TRIP12: variants seen among roughly 807,000 people sequenced by gnomAD.
TRIP12 encodes thyroid hormone receptor interactor 12.
In TRIP12, 25 loss-of-function variants were observed where a neutral mutation model predicts 244.2. The observed-to-expected ratio is 0.10, with a 90% CI of 0.07 to 0.14. TRIP12 has a LOEUF of 0.14. TRIP12 is among the 10% of genes least tolerant of loss of function. The pLI is 1.00. For synonymous variants in TRIP12, 905 were observed against 873.1 expected (o/e 1.04, Z -0.64); for missense variants, 1,677 against 2,486.4 (o/e 0.67, Z 6.92).
chr2:229,837,116 G>T, intron 5 of TRIP12, 132 bp from the exon 6 acceptor site: 1 of 957,548 alleles, frequency 1.0e-6, no homozygotes, highest in Non-Finnish European at 1.4e-6. Flanking sequence ...AAAAGTAAGT[G>T]CACAAAATCA....
intron 1 of TRIP12, among the ~76,000 whole-genome samples, chr2:229,889,145 G>A (rs1021052064): frequency 4.6e-5 from 7 of 152,204 alleles, no homozygotes; most frequent in Admixed American, 2.0e-4. Flanking sequence ...TGGATCAGAA[G>A]AGCATATCAA....
Position 229,778,866 on chromosome 2 carries a change from T to C in TRIP12, c.5209+10A>G, listed in dbSNP as rs377147961. The C allele has an allele frequency of 1.9e-5, 30 of 1,611,084 alleles. No individual in the cohort carries two copies. The highest frequency in any genetic ancestry group is 1.6e-4 in the East Asian group (7 of 44,860). On this transcript the variant is annotated intron_variant, in intron 35 of 41. Coordinates refer to ENST00000675903, the MANE Select transcript of TRIP12 (RefSeq NM_001348323.3). This position sits in a 1 kb window ranked among gnomAD's most constrained non-coding sequence, Gnocchi z 4.1. The stretch of plus-strand genomic sequence containing the variant: ...TAACACAAACCAACTAACTTACAGA[T>C]AGGCATTACCTTTTGGATTGCTAAG...
At chr2:229,840,261 G>A (rs2056058222) in intron 5 of TRIP12, among the ~76,000 whole-genome samples, 1 of 152,092 alleles carries the variant, frequency 6.6e-6, no homozygotes, top group Non-Finnish European at 1.5e-5. Flanking sequence ...AACAACAAAG[G>A]AAAAGTAGAA....
rs188303162 is a variant in TRIP12 at position 229,881,180 on chromosome 2, T to C, written c.-49-1052A>G. On this transcript the variant is annotated intron_variant, in intron 1 of 41. Coordinates refer to ENST00000675903, the MANE Select transcript of TRIP12 (RefSeq NM_001348323.3). The stretch of plus-strand genomic sequence containing the variant: ...TCAGCAACAAGAAATTGCGAAAGTA[T>C]TTTTAGCTCAAATTTAGCTCAAAAC... Among the ~76,000 whole-genome samples the C allele has an allele frequency of 3.1e-3, 478 of 152,360 alleles. 1 individual carries two copies. The highest frequency in any genetic ancestry group is 3.8e-3 in the Non-Finnish European group (260 of 68,040).
At chr2:229,906,938 A>G (rs78235074) in intron 1 of TRIP12, among the ~76,000 whole-genome samples, 4,841 of 152,160 alleles carry the variant, frequency 0.032, 261 homozygotes, top group African/African-American at 0.11. Flanking sequence ...TAAGTAGTCA[A>G]AGAGACTATA....
chr2:229,805,721 T>C lies in TRIP12; in HGVS notation c.2650+9A>G. 2.6e-6 allele frequency: 4 copies of C among 1,566,196 alleles called. No individual in the cohort carries two copies. The highest frequency in any genetic ancestry group is 3.5e-6 in the Non-Finnish European group (4 of 1,144,174). ...AGTATAGTGCTATTTTAACTCAGAA[T>C]GTACTTACTAGTGTTACTATTGGCT... On this transcript the variant is annotated intron_variant, in intron 18 of 41. Coordinates refer to ENST00000675903, the MANE Select transcript of TRIP12 (RefSeq NM_001348323.3).
intron 2 of TRIP12, among the ~76,000 whole-genome samples, chr2:229,866,344 G>A (rs959839252): frequency 6.6e-6 from 1 of 152,088 alleles, no homozygotes; most frequent in South Asian, 2.1e-4. Context: ...TGTTGTAACT[G>A]TCACATTCAG....
rs1197363452 is a variant in TRIP12 at position 229,820,053 on chromosome 2, A to G, written c.1451-1541T>C. On this transcript the variant is annotated intron_variant, in intron 8 of 41. Transcript: ENST00000675903. ...ACTAAATAATACCAATTTTAGTGAC[A>G]GCAGGTTTATCACTTCTGTGTTGAC... Among the ~76,000 whole-genome samples, 4 of 152,370 alleles carry G rather than the reference A, an allele frequency of 2.6e-5. No homozygotes were observed. In the East Asian group the frequency reaches 7.7e-4, roughly 29 times the overall value.
intron 8 of TRIP12, among the ~76,000 whole-genome samples, chr2:229,822,181 G>C (rs915639525): frequency 6.6e-6 from 1 of 152,112 alleles, no homozygotes; most frequent in Non-Finnish European, 1.5e-5. Flanking sequence ...ATAGAGGGGA[G>C]AGTAAGAAGT....
chr2:229,869,835 C>G (rs560224896), intron 2 of TRIP12, among the ~76,000 whole-genome samples: 1 of 152,190 alleles, frequency 6.6e-6, no homozygotes, highest in East Asian at 1.9e-4. Context: ...GAACTACTAA[C>G]GAATTTAAAC....
At chr2:229,799,881 T>C (rs1487993184) in intron 21 of TRIP12, among the ~76,000 whole-genome samples, 1 of 152,196 alleles carries the variant, frequency 6.6e-6, no homozygotes, top group Non-Finnish European at 1.5e-5. Context: ...AGCAAATGAT[T>C]ATTCAGAAAA....
At chr2:229,858,049 C>T (rs1490438167) in intron 4 of TRIP12, among the ~76,000 whole-genome samples, 1 of 152,154 alleles carries the variant, frequency 6.6e-6, no homozygotes, top group Non-Finnish European at 1.5e-5. Context: ...TGTATCTACA[C>T]ATCAAGAATA....
Position 229,793,049 on chromosome 2 carries a change from C to T in TRIP12, c.4065G>A (p.Lys1355=). The part of the protein sequence containing the change: ...LQRHPDCANV[K]QWKGGPVKID... ...TCTTGACAGGTCCACCCTTCCACTG[C>T]TTCACATTTGCACAGTCTGGATGCC... The change falls in exon 27 of 42, where the codon AAG becomes AAA. Residue 1355 remains lysine (K), a synonymous_variant. Coordinates refer to ENST00000675903, the MANE Select transcript of TRIP12 (RefSeq NM_001348323.3). 1 of 1,613,992 alleles carries T rather than the reference C, an allele frequency of 6.2e-7. No individual in the cohort carries two copies. Among genetic ancestry groups the T allele is most frequent in the Non-Finnish European group, 8.5e-7 (1 of 1,179,938 alleles).
chr2:229,791,783 GCCAT>G (rs2041611437), intron 29 of TRIP12, 79 bp downstream of exon 29: 1 of 1,440,820 alleles, frequency 6.9e-7, no homozygotes. Flanking sequence ...ATGAAAGCCA[GCCAT>G]TAAGTTAATG....
chr2:229,878,971 A>G (rs831373), intron 2 of TRIP12, among the ~76,000 whole-genome samples: 123,767 of 151,910 alleles, frequency 0.81, 50,755 homozygotes, highest in East Asian at 0.91. Context: ...AGAATTCAGC[A>G]GCTGAGCGCA....
chr2:229,892,346 GAA>G (rs2067570085), intron 1 of TRIP12, among the ~76,000 whole-genome samples: 1 of 152,050 alleles, frequency 6.6e-6, no homozygotes, highest in East Asian at 1.9e-4. Flanking sequence ...ATATGTGTAG[GAA>G]AAAAGTCTGC....
chr2:229,811,722 A>T (rs1441405364), intron 13 of TRIP12, among the ~76,000 whole-genome samples: 1 of 152,246 alleles, frequency 6.6e-6, no homozygotes, highest in East Asian at 1.9e-4. Context: ...CATATTTGTC[A>T]TAAAAACAGA....
chr2:229,775,940 T>C (rs925946146), intron 37 of TRIP12, among the ~76,000 whole-genome samples: 3 of 151,880 alleles, frequency 2.0e-5, no homozygotes, highest in Non-Finnish European at 4.4e-5. Context: ...TCAGGAACAA[T>C]AAAGGATAGA....
intron 6 of TRIP12, 68 bp downstream of exon 6, chr2:229,836,780 C>T: frequency 2.6e-6 from 4 of 1,515,702 alleles, no homozygotes; most frequent in Non-Finnish European, 3.5e-6. Context: ...TAGCATACTT[C>T]CCTCCCTCTG....
Sources: allele counts gnomAD v4.1 joint callset (sites outside exome capture counted in the v4.1 genomes callset), GRCh38; gene constraint gnomAD v4.1.1; non-coding constraint Gnocchi (gnomAD v3.1); transcripts MANE v1.5; gene names NCBI Gene and HGNC (gene_info 2026-07-23, HGNC 2026-07-21).